The following SCHIP1 variants were observed in gnomAD, a reference collection of about 807,000 sequenced individuals.
The protein encoded by SCHIP1 is schwannomin interacting protein 1, also known as schwannomin-interacting protein 1.
In SCHIP1, 8 loss-of-function variants were observed where a neutral mutation model predicts 29.7. That is an observed-to-expected ratio of 0.27 (90% CI 0.16 to 0.49). The LOEUF (loss-of-function observed/expected upper bound fraction) is 0.49. SCHIP1 is among the 20% of genes least tolerant of loss of function. The probability of loss-of-function intolerance (pLI) is 0.99; values close to 1 mark genes in which losing one functional copy is unlikely to be tolerated. For missense variants in SCHIP1, 193 were observed against 294.6 expected, an observed-to-expected ratio of 0.66 and a Z score of 2.52; for synonymous variants, 76 against 94.9, an observed-to-expected ratio of 0.80 and a Z score of 1.16.
the SCHIP1 span, among the ~76,000 whole-genome samples, chr3:159,382,211 ACTC>A: frequency 7.7e-6 from 1 of 129,462 alleles, no homozygotes; most frequent in Non-Finnish European, 1.6e-5. Context: ...GCACCCATTA[ACTC>A]CTCATTTAGC....
the SCHIP1 span, among the ~76,000 whole-genome samples, chr3:159,279,177 A>G: frequency 2.0e-5 from 3 of 152,166 alleles, no homozygotes; most frequent in African/African-American, 7.2e-5. Context: ...ATGGAGGGTA[A>G]TTGAATCATG....
the SCHIP1 span, among the ~76,000 whole-genome samples, chr3:159,491,659 T>A: frequency 6.6e-6 from 1 of 152,252 alleles, no homozygotes; most frequent in Admixed American, 6.5e-5. Context: ...TGCCTGCCTC[T>A]ATAGGCTCCA....
chr3:159,427,137 G>A, the SCHIP1 span, among the ~76,000 whole-genome samples: 1 of 152,076 alleles, frequency 6.6e-6, no homozygotes, highest in African/African-American at 2.4e-5. Context: ...TTGAAAACTG[G>A]CACAAGACAG....
At chr3:159,725,236 G>T in the SCHIP1 span, among the ~76,000 whole-genome samples, 1 of 151,630 alleles carries the variant, frequency 6.6e-6, no homozygotes, top group African/African-American at 2.4e-5. Context: ...ATGAGAGAGA[G>T]AGAGAAACTA....
chr3:159,552,032 C>CTTT, the SCHIP1 span, among the ~76,000 whole-genome samples: 43 of 103,568 alleles, frequency 4.2e-4, no homozygotes, highest in Non-Finnish European at 5.6e-4. Context: ...TGCCACATTG[C>CTTT]TTTTTTTTTT....
At chr3:159,684,681 G>A in the SCHIP1 span, among the ~76,000 whole-genome samples, 2 of 151,856 alleles carry the variant, frequency 1.3e-5, no homozygotes, top group African/African-American at 2.4e-5. Flanking sequence ...GCATGCAACT[G>A]TAATCCCAGC....
the SCHIP1 span, among the ~76,000 whole-genome samples, chr3:159,639,818 C>T: frequency 1.3e-4 from 20 of 152,104 alleles, no homozygotes; most frequent in East Asian, 5.8e-4. Context: ...AATTATGTGA[C>T]GCTGGACAAC....
the SCHIP1 span, among the ~76,000 whole-genome samples, chr3:159,586,905 G>A: frequency 6.6e-6 from 1 of 152,150 alleles, no homozygotes; most frequent in Admixed American, 6.6e-5. Context: ...AAATTTACTT[G>A]GCAGCAGGTA....
At chr3:159,681,531 G>C in the SCHIP1 span, among the ~76,000 whole-genome samples, 1 of 152,182 alleles carries the variant, frequency 6.6e-6, no homozygotes, top group African/African-American at 2.4e-5. Flanking sequence ...ATAAAAGTTT[G>C]TATCCTTAAG....
At chr3:159,854,113 T>C (rs1002275396) in intron 1 of SCHIP1, among the ~76,000 whole-genome samples, 3 of 152,232 alleles carry the variant, frequency 2.0e-5, no homozygotes, top group African/African-American at 7.2e-5. Flanking sequence ...TCTTCATTAT[T>C]TGCCACAAGT....
At chr3:159,637,026 G>T in the SCHIP1 span, among the ~76,000 whole-genome samples, 1 of 152,114 alleles carries the variant, frequency 6.6e-6, no homozygotes, top group South Asian at 2.1e-4. Flanking sequence ...TTACACTACT[G>T]ATATGAATCA....
the SCHIP1 span, among the ~76,000 whole-genome samples, chr3:159,700,196 CATA>C: frequency 6.6e-6 from 1 of 152,176 alleles, no homozygotes; most frequent in Non-Finnish European, 1.5e-5. Context: ...CTAACCTCCA[CATA>C]ATGATCGGTT....
the SCHIP1 span, among the ~76,000 whole-genome samples, chr3:159,525,356 C>T: frequency 6.6e-6 from 1 of 152,176 alleles, no homozygotes; most frequent in African/African-American, 2.4e-5. Flanking sequence ...AAAACAGAAC[C>T]TAGCACATAT....
At chr3:159,708,716 G>A in the SCHIP1 span, among the ~76,000 whole-genome samples, 2 of 152,172 alleles carry the variant, frequency 1.3e-5, no homozygotes, top group African/African-American at 4.8e-5. Context: ...ACGTACGCAG[G>A]AACTAGCAAG....
the SCHIP1 span, among the ~76,000 whole-genome samples, chr3:159,609,056 C>G: frequency 2.0e-5 from 3 of 152,130 alleles, no homozygotes; most frequent in African/African-American, 7.2e-5. Context: ...AAAATATAAC[C>G]TCTACTCTTG....
At chr3:159,626,247 T>TAG in the SCHIP1 span, among the ~76,000 whole-genome samples, 1 of 110,746 alleles carries the variant, frequency 9.0e-6, no homozygotes, top group Non-Finnish European at 1.7e-5. Context: ...TATCTATCTA[T>TAG]CTATATAGAT....
the SCHIP1 span, among the ~76,000 whole-genome samples, chr3:159,672,558 C>G: frequency 8.6e-5 from 13 of 150,998 alleles, no homozygotes; most frequent in South Asian, 8.3e-4. Context: ...GGACATTTGG[C>G]AATGTCTTGA....
At chr3:159,318,487 C>T in the SCHIP1 span, among the ~76,000 whole-genome samples, 3 of 152,254 alleles carry the variant, frequency 2.0e-5, no homozygotes, top group African/African-American at 7.2e-5. Flanking sequence ...TTTCCCTTCA[C>T]TGCTGTCCTT....
At chr3:159,602,507 G>A in the SCHIP1 span, among the ~76,000 whole-genome samples, 13 of 151,968 alleles carry the variant, frequency 8.6e-5, no homozygotes, top group Non-Finnish European at 4.4e-5. Context: ...TCAGGAGTTC[G>A]AGACCAGCCT....
Sources: gnomAD v4.1 joint callset for allele counts (sites outside exome capture counted in the v4.1 genomes callset) on GRCh38, gnomAD v4.1.1 for gene constraint, MANE v1.5 for transcripts, NCBI Gene and HGNC (gene_info 2026-07-23, HGNC 2026-07-21) for gene names.